CHN2: variants seen among roughly 807,000 people sequenced by gnomAD.
The protein encoded by CHN2 is beta-chimaerin.
A neutral mutation model predicts 56.3 loss-of-function variants in CHN2; 35 were observed. The observed-to-expected ratio is 0.62, with a 90% CI of 0.47 to 0.82. The LOEUF is 0.82. CHN2 is among the 40% of genes least tolerant of loss of function. The pLI is 0.00. For synonymous variants in CHN2, 210 were observed against 212.8 expected (o/e 0.99, Z 0.12); for missense variants, 491 against 580.5 (o/e 0.85, Z 1.58).
intron 1 of CHN2, among the ~76,000 whole-genome samples, chr7:29,225,991 T>C (rs1002975240): frequency 3.3e-5 from 5 of 152,188 alleles, no homozygotes; most frequent in Non-Finnish European, 7.3e-5. Flanking sequence ...GAAAGATTAC[T>C]TATCTTATAA....
intron 1 of CHN2, among the ~76,000 whole-genome samples, chr7:29,256,996 C>T (rs1789131750): frequency 6.6e-6 from 1 of 152,140 alleles, no homozygotes; most frequent in Non-Finnish European, 1.5e-5. Context: ...TAAATACATC[C>T]CGAGTAAGGC....
At chr7:29,262,136 C>T (rs753189796) in intron 1 of CHN2, among the ~76,000 whole-genome samples, 8 of 152,164 alleles carry the variant, frequency 5.3e-5, no homozygotes, top group Non-Finnish European at 8.8e-5. Context: ...CCACTGTATT[C>T]CAGCCTGGGT....
At chr7:29,202,888 G>GTT in intron 1 of CHN2, among the ~76,000 whole-genome samples, 1 of 152,302 alleles carries the variant, frequency 6.6e-6, no homozygotes, top group East Asian at 1.9e-4. Context: ...GCAAAGAAAT[G>GTT]GGAAGCAGGG....
At chr7:29,351,849 G>A (rs1053206245) in intron 1 of CHN2, among the ~76,000 whole-genome samples, 1 of 152,178 alleles carries the variant, frequency 6.6e-6, no homozygotes, top group African/African-American at 2.4e-5. Context: ...CCATGTGCAG[G>A]GAAGACCTTG....
chr7:29,394,606 G>C (rs1213360283), intron 4 of CHN2, among the ~76,000 whole-genome samples: 2 of 152,198 alleles, frequency 1.3e-5, no homozygotes, highest in Admixed American at 1.3e-4. Context: ...CTGGGAATTT[G>C]ACCAGCACCT....
chr7:29,179,508 C>A (rs1361969711), intron 2 of CHN2, among the ~76,000 whole-genome samples: 1 of 152,184 alleles, frequency 6.6e-6, no homozygotes, highest in African/African-American at 2.4e-5. Flanking sequence ...ACAAATTCTT[C>A]AGGAGTGAGA....
At chr7:29,243,771 G>A (rs1787865334) in intron 1 of CHN2, among the ~76,000 whole-genome samples, 1 of 152,154 alleles carries the variant, frequency 6.6e-6, no homozygotes, top group African/African-American at 2.4e-5. Context: ...TCCCACATTC[G>A]TTGTTAGCGT....
At chr7:29,333,433 A>G (rs1331880599) in intron 1 of CHN2, among the ~76,000 whole-genome samples, 1 of 152,196 alleles carries the variant, frequency 6.6e-6, no homozygotes, top group African/African-American at 2.4e-5. Context: ...AGTGAGTGGG[A>G]GAGGTACATG....
chr7:29,365,109 C>T (rs74346117), intron 2 of CHN2, among the ~76,000 whole-genome samples: 223 of 152,258 alleles, frequency 1.5e-3, no homozygotes, highest in Non-Finnish European at 2.1e-3. Context: ...TGGTATCCAT[C>T]GGAAGACGTA....
At chr7:29,473,371 C>A (rs776820592) in intron 6 of CHN2, among the ~76,000 whole-genome samples, 27 of 151,856 alleles carry the variant, frequency 1.8e-4, no homozygotes, top group Non-Finnish European at 3.7e-4. Flanking sequence ...TTACAATCCC[C>A]TGGAGGATTT....
rs570073985 is a variant in CHN2, at chr7:29,433,019, C to T, written c.576+32191C>T. On this transcript the variant is annotated intron_variant, in intron 6 of 12. Coordinates refer to ENST00000222792, the MANE Select transcript of CHN2 (RefSeq NM_004067.4). ...ATGGTTACCAAAAAGAATTCTTGCA[C>T]GGATATAGTTTTTCCATCAGAGGGA... 4.6e-5 allele frequency among the ~76,000 whole-genome samples: 7 copies of T among 152,264 alleles called. No individual in the cohort carries two copies. The East Asian group carries it at 9.6e-4, about 21-fold the overall frequency.
intron 6 of CHN2, among the ~76,000 whole-genome samples, chr7:29,411,032 C>A (rs1398205778): frequency 2.0e-5 from 3 of 152,154 alleles, no homozygotes; most frequent in Admixed American, 6.5e-5. Flanking sequence ...TTACTTTAAT[C>A]AGATCAAATA....
intron 1 of CHN2, among the ~76,000 whole-genome samples, chr7:29,353,012 T>C (rs555443195): frequency 1.3e-5 from 2 of 152,334 alleles, no homozygotes; most frequent in East Asian, 1.9e-4. Flanking sequence ...CATGAATACA[T>C]TGATTTAGCA....
chr7:29,370,889 A>T (rs897838595), intron 3 of CHN2, among the ~76,000 whole-genome samples: 1 of 152,226 alleles, frequency 6.6e-6, no homozygotes, highest in African/African-American at 2.4e-5. Context: ...TAGCAAATCC[A>T]GGAAAGCAGG....
intron 9 of CHN2, 127 bp from the exon 10 acceptor site, chr7:29,504,617 T>C (rs1158582389): frequency 3.2e-6 from 2 of 618,784 alleles, no homozygotes; most frequent in Admixed American, 2.8e-5. Flanking sequence ...CAGTGTGTGA[T>C]AAATAAAATC....
intron 6 of CHN2, among the ~76,000 whole-genome samples, chr7:29,469,846 C>T (rs1006167831): frequency 6.6e-6 from 1 of 152,138 alleles, no homozygotes; most frequent in Admixed American, 6.5e-5. Context: ...TTCTATCTCA[C>T]TGGCCTAATA....
intron 6 of CHN2, among the ~76,000 whole-genome samples, chr7:29,402,798 G>T (rs1203956061): frequency 6.6e-6 from 1 of 152,154 alleles, no homozygotes; most frequent in East Asian, 1.9e-4. Flanking sequence ...TTGGTCAACA[G>T]AAACTGATAT....
chr7:29,464,168 C>G (rs1017882695), intron 6 of CHN2, among the ~76,000 whole-genome samples: 2 of 152,066 alleles, frequency 1.3e-5, no homozygotes, highest in African/African-American at 4.8e-5. Context: ...TTTATTGAGC[C>G]CTTATTTTGT....
At chr7:29,340,361 A>G (rs1351324977) in intron 1 of CHN2, among the ~76,000 whole-genome samples, 1 of 148,318 alleles carries the variant, frequency 6.7e-6, no homozygotes. Flanking sequence ...GGAAGATCTC[A>G]TCAGGAAAAT....
Sources: gnomAD v4.1 joint callset for allele counts (sites outside exome capture counted in the v4.1 genomes callset) on GRCh38, gnomAD v4.1.1 for gene constraint, MANE v1.5 for transcripts, NCBI Gene and HGNC (gene_info 2026-07-23, HGNC 2026-07-21) for gene names.